Variants in PASK observed in about 807,000 individuals in gnomAD.
PASK encodes PAS domain-containing serine/threonine-protein kinase.
Under a neutral mutation model 121.0 loss-of-function variants are expected in PASK, and 110 were observed. The observed-to-expected ratio is 0.91, with a 90% CI of 0.78 to 1.06. The LOEUF is 1.06. Among genes scored for constraint, PASK ranks in the 50% least tolerant of loss-of-function variants. PASK has a pLI of 0.00. For synonymous variants in PASK, 686 were observed against 717.8 expected, an observed-to-expected ratio of 0.96 and a Z score of 0.71; for missense variants, 1,643 against 1,702.3, an observed-to-expected ratio of 0.97 and a Z score of 0.61.
At chr2:241,117,290 GA>G in intron 12 of PASK, among the ~76,000 whole-genome samples, 1 of 152,352 alleles carries the variant, frequency 6.6e-6, no homozygotes, top group African/African-American at 2.4e-5. Flanking sequence ...CAAAAGGCCA[GA>G]AGTGAGACTG....
chr2:241,145,178 G>A (rs975564549), intron 1 of PASK, among the ~76,000 whole-genome samples: 9 of 152,124 alleles, frequency 5.9e-5, no homozygotes, highest in African/African-American at 2.2e-4. Flanking sequence ...CTCCCAAACT[G>A]CTGGGATTAC....
chr2:241,144,393 G>T (rs925678453), intron 1 of PASK, among the ~76,000 whole-genome samples: 15 of 152,188 alleles, frequency 9.9e-5, no homozygotes, highest in African/African-American at 3.4e-4. Context: ...CCAGGCTTTA[G>T]ATAAACAGCA....
In PASK at chr2:241,127,300, C is replaced by G. The variant is rs754913621; in HGVS notation, c.1615G>C (p.Asp539His). The change falls in exon 10 of 18, where the codon GAT (aspartate) becomes CAT (histidine). Residue 539 changes from aspartate to histidine, a missense_variant. Asp to His is a moderately conservative substitution (Grantham distance 81, BLOSUM62 -1). Around this residue, in one of 3 missense-constraint regions of PASK, gnomAD observed 1,176 missense variants for 1,162.2 expected, o/e 1.01. Transcript: ENST00000234040. ...LLGESRSEPV[D>H]VKPFASCEDS... ...TCGCAGGAAGCAAATGGCTTCACAT[C>G]CACTGGTTCAGACCTGCTTTCTCCC... 6.2e-7 allele frequency: 1 copy of G among 1,614,256 alleles called. No individual in the cohort carries two copies. Among genetic ancestry groups the G allele is most frequent in the South Asian group, 1.1e-5 (1 of 91,092 alleles).
Position 241,123,974 on chromosome 2 carries a change from T to G in PASK, c.2879A>C (p.Glu960Ala). 1 of 1,613,764 alleles carries G rather than the reference T, an allele frequency of 6.2e-7. No individual in the cohort carries two copies. The highest frequency in any genetic ancestry group is 8.5e-7 in the Non-Finnish European group (1 of 1,179,976). ...LPGSTHSTAAELTGPSLVEVL... is the reference protein window; with the variant it reads ...LPGSTHSTAAALTGPSLVEVL... ...TTCCACCAGGCTGGGTCCGGTGAGC[T>G]CAGCAGCGGTAGAGTGGGTGGAGCC... The change falls in exon 11 of 18, where the codon GAG (glutamate) becomes GCG (alanine). Residue 960 changes from glutamate to alanine, a missense_variant. Around this residue, in one of 3 missense-constraint regions of PASK, gnomAD observed 453 missense variants for 511.2 expected, o/e 0.89. Coordinates refer to ENST00000234040, the MANE Select transcript of PASK (RefSeq NM_015148.4).
intron 7 of PASK, 94 bp downstream of exon 7, chr2:241,136,910 C>A: frequency 1.7e-6 from 2 of 1,201,426 alleles, no homozygotes; most frequent in Non-Finnish European, 2.4e-6. Context: ...GAGAGCTTGC[C>A]GGGTGCGAGG....
chr2:241,110,051 T>C (rs2065044126), intron 15 of PASK, among the ~76,000 whole-genome samples: 1 of 152,154 alleles, frequency 6.6e-6, no homozygotes, highest in Non-Finnish European at 1.5e-5. Context: ...AAGCAAAAGG[T>C]AGAAGCAACA....
intron 1 of PASK, 30 bp downstream of exon 1, chr2:241,149,384 G>C (rs1575367101): frequency 5.0e-6 from 2 of 403,604 alleles, no homozygotes; most frequent in East Asian, 9.7e-5. Flanking sequence ...GGCGGAGCCC[G>C]GCCCGCTCTC....
At chr2:241,150,211 C>A (rs2067220341), upstream of PASK, 2 of 1,277,574 alleles carry the variant, frequency 1.6e-6, no homozygotes, top group Non-Finnish European at 9.9e-7. Flanking sequence ...CTGCCTGCAG[C>A]TACGGCTCTG....
chr2:241,129,461 C>A (rs1368525844), intron 9 of PASK, among the ~76,000 whole-genome samples: 2 of 152,216 alleles, frequency 1.3e-5, no homozygotes, highest in Non-Finnish European at 2.9e-5. Flanking sequence ...ATCCACTGCC[C>A]TGTGTCTGCA....
At chr2:241,149,713 G>C (rs1340484066), upstream of PASK, 6 of 1,550,772 alleles carry the variant, frequency 3.9e-6, no homozygotes, top group Non-Finnish European at 5.2e-6. Flanking sequence ...AAATGGGTGA[G>C]TAGCGCAGAG....
intron 12 of PASK, chr2:241,118,814 C>A: frequency 1.8e-6 from 1 of 555,536 alleles, no homozygotes; most frequent in Non-Finnish European, 2.5e-6. Context: ...CCAGCGTGTA[C>A]ACCAAGCTGT....
In PASK at chr2:241,112,461, G is replaced by C. The variant is rs773955097; in HGVS notation, c.3334-22C>G. 2 of 1,560,596 alleles carry C rather than the reference G, an allele frequency of 1.3e-6. No individual in the cohort carries two copies. Among genetic ancestry groups the C allele is most frequent in the East Asian group, 2.3e-5 (1 of 44,444 alleles). On this transcript the variant is annotated intron_variant, in intron 14 of 17. Transcript: ENST00000234040. This position sits in a 1 kb window ranked among gnomAD's most constrained non-coding sequence, Gnocchi z 5.2. ...CTAGCTGGAATCAGGAGGCCAGAGGGGGCTTTTTAAAAAAGCAATTCAACT... is the reference window on the plus strand; with the variant it reads ...CTAGCTGGAATCAGGAGGCCAGAGGCGGCTTTTTAAAAAAGCAATTCAACT...
At position 241,115,341 on chromosome 2, in the gene PASK, C is replaced by T; in HGVS notation, c.3145G>A (p.Val1049Ile). Residue 1049 changes from valine (V) to isoleucine (I), a missense_variant, in exon 13 of 18, where the codon GTT becomes ATT. By Grantham distance (29) the Val-to-Ile change is conservative (BLOSUM62 3). Transcript: ENST00000234040. ...GATAGAATTGCGATCTCTAAAGTAA[C>T]TTTCCCAAGTTTGGGATCCTCAATC... ...CWIEDPKLGK[V>I]TLEIAILSRV... 1 of 1,613,968 alleles carries T rather than the reference C, an allele frequency of 6.2e-7. No individual in the cohort carries two copies. Among genetic ancestry groups the T allele is most frequent in the Non-Finnish European group, 8.5e-7 (1 of 1,179,902 alleles).
At chr2:241,137,397 C>T in intron 6 of PASK, 133 bp from the exon 7 acceptor site, 1 of 767,322 alleles carries the variant, frequency 1.3e-6, no homozygotes, top group Non-Finnish European at 2.3e-6. Context: ...ACCCACACTG[C>T]TCTGCCTTCC....
intron 4 of PASK, among the ~76,000 whole-genome samples, chr2:241,139,101 T>TA (rs1237706698): frequency 1.3e-5 from 2 of 152,236 alleles, no homozygotes; most frequent in Non-Finnish European, 2.9e-5. Flanking sequence ...GTGAATATCT[T>TA]AGTTTTTTTC....
intron 7 of PASK, among the ~76,000 whole-genome samples, chr2:241,136,599 G>T (rs1008587363): frequency 2.6e-5 from 4 of 152,234 alleles, no homozygotes; most frequent in African/African-American, 9.6e-5. Flanking sequence ...CTCAGCTCCT[G>T]TGGGAACCCC....
Position 241,126,354 on chromosome 2 carries a change from C to T in PASK, c.2561G>A (p.Gly854Asp). The change falls in exon 10 of 18, where the codon GGC becomes GAC. Residue 854 changes from glycine (G) to aspartate (D), a missense_variant. Transcript: ENST00000234040. The stretch of plus-strand genomic sequence containing the variant: ...TGCTGATGGGCACGTGTCCTCAGGG[C>T]CAGCATCCAACGTGGAAGGAACGTG... Reference protein sequence around the residue: ...PGHVPSTLDAGPEDTCPSAEE... With the variant: ...PGHVPSTLDADPEDTCPSAEE... 6.2e-7 allele frequency: 1 copy of T among 1,614,224 alleles called. No homozygotes were observed. Among genetic ancestry groups the T allele is most frequent in the South Asian group, 1.1e-5 (1 of 91,086 alleles).
chr2:241,150,136 A>G, upstream of PASK: 1 of 1,269,936 alleles, frequency 7.9e-7, no homozygotes, highest in Non-Finnish European at 9.9e-7. Flanking sequence ...CGAGGTCGAG[A>G]CAGTGACATA....
In PASK at chr2:241,149,426, A is replaced by G; in HGVS notation, c.-55T>C. 1.9e-6 allele frequency: 1 copy of G among 538,972 alleles called. No homozygotes were observed. Among genetic ancestry groups the G allele is most frequent in the South Asian group, 2.2e-5 (1 of 45,964 alleles). The allele number at this position is 538,972 out of a possible 1,614,324, so 33.4% of individuals were successfully genotyped here. On this transcript the variant is annotated 5_prime_UTR_variant, in exon 1 of 18. Coordinates refer to ENST00000234040, the MANE Select transcript of PASK (RefSeq NM_015148.4). ...GCAGGTATCTCACCTGGATCAGGCG[A>G]GGGTCACGCCAAGCCGGCTACACAC... is the stretch of plus-strand genomic sequence containing the variant.
Sources: gnomAD v4.1 joint callset for allele counts (sites outside exome capture counted in the v4.1 genomes callset) on GRCh38, gnomAD v4.1.1 for gene constraint, gnomAD v4.1.1 regional missense constraint, Gnocchi (gnomAD v3.1) non-coding constraint, MANE v1.5 for transcripts, NCBI Gene and HGNC (gene_info 2026-07-23, HGNC 2026-07-21) for gene names.